Variants in DDX47 observed in about 807,000 individuals in gnomAD.
The protein encoded by DDX47 is probable ATP-dependent RNA helicase DDX47.
In DDX47, 60 loss-of-function variants were observed where a neutral mutation model predicts 58.8. The ratio of observed to expected loss-of-function variants is 1.02; its 90% CI spans 0.83 to 1.26. The LOEUF (loss-of-function observed/expected upper bound fraction) is 1.26, where lower values mean the gene tolerates loss of function less well. DDX47 is among the 50% of genes most tolerant of loss of function. The pLI, the probability that DDX47 is intolerant of heterozygous loss-of-function variation, is 0.00. For synonymous variants in DDX47, 197 were observed against 204.6 expected (o/e 0.96, Z 0.32); for missense variants, 530 against 573.2 (o/e 0.92, Z 0.77).
rs1218356864 is a variant in DDX47 at position 12,813,446 on chromosome 12, A to G, written c.79A>G (p.Lys27Glu). The change falls in exon 1 of 12, where the codon AAA (lysine) becomes GAA (glutamate). Residue 27 changes from lysine to glutamate, a missense_variant. By Grantham distance (56) the Lys-to-Glu change is moderately conservative. Coordinates refer to ENST00000358007, the MANE Select transcript of DDX47 (RefSeq NM_016355.4). ...IVEEEETKTF[K>E]DLGVTDVLCE... is the part of the protein sequence containing the mutation. ...GGAAGAGGAGGAAACTAAAACATTT[A>G]AAGACCTGGTGAGAATGGATGACGC... 1 of 1,610,112 alleles carries G rather than the reference A, an allele frequency of 6.2e-7. No individual in the cohort carries two copies. Among genetic ancestry groups the G allele is most frequent in the Admixed American group, 1.7e-5 (1 of 59,562 alleles).
chr12:12,826,022 G>A lies in DDX47; in HGVS notation c.1058G>A (p.Arg353Gln). 6.2e-7 allele frequency: 1 copy of A among 1,613,214 alleles called. No homozygotes were observed. Among genetic ancestry groups the A allele is most frequent in the Non-Finnish European group, 8.5e-7 (1 of 1,179,626 alleles). ...HSKDYIHRVG[R>Q]TARAGRSGKA... ...TAGGATTACATCCATCGAGTAGGTCGAACAGCTAGAGCTGGGCGCTCCGGA... is the reference window on the plus strand; with the variant it reads ...TAGGATTACATCCATCGAGTAGGTCAAACAGCTAGAGCTGGGCGCTCCGGA... Residue 353 changes from arginine (R) to glutamine (Q), a missense_variant, in exon 10 of 12, where the codon CGA (arginine) becomes CAA (glutamine). Transcript: ENST00000358007.
Position 12,821,531 on chromosome 12 carries a change from G to A in DDX47, c.371-124G>A, listed in dbSNP as rs112075372. On this transcript the variant is annotated intron_variant, in intron 3 of 11. Transcript: ENST00000358007. ...AGCTAATGTTGTATTTGAGCTTTGG[G>A]AAGAGTATTAATTGTAAGGGAAGAA... 9.8e-6 allele frequency: 14 copies of A among 1,424,830 alleles called. No individual in the cohort carries two copies. In the South Asian group the frequency reaches 1.1e-4, roughly 11 times the overall value. The allele number at this position is 1,424,830 out of a possible 1,614,324, so 88.3% of individuals were successfully genotyped here.
intron 10 of DDX47, 42 bp from the exon 11 acceptor site, chr12:12,827,204 G>A: frequency 6.2e-7 from 1 of 1,602,560 alleles, no homozygotes; most frequent in Non-Finnish European, 8.5e-7. Context: ...ACAGGCATTT[G>A]CGTTACCAGG....
At chr12:12,823,452 A>G (rs144849490) in intron 7 of DDX47, 133 bp downstream of exon 7, 32 of 667,762 alleles carry the variant, frequency 4.8e-5, no homozygotes, top group Middle Eastern at 4.2e-4. Flanking sequence ...TAGAGTGCAT[A>G]TCGTGCTTAT....
Position 12,813,367 on chromosome 12 carries a change from G to C in DDX47, c.-1G>C. 1 of 1,613,158 alleles carries C rather than the reference G, an allele frequency of 6.2e-7. No homozygotes were observed. The highest frequency in any genetic ancestry group is 8.5e-7 in the Non-Finnish European group (1 of 1,179,560). On this transcript the variant is annotated 5_prime_UTR_variant, in exon 1 of 12. Transcript: ENST00000358007. ...ACCCACTTCCGGAGACCTCACACAAGATGGCGGCACCCGAGGAACACGATT... is the reference window on the plus strand; with the variant it reads ...ACCCACTTCCGGAGACCTCACACAACATGGCGGCACCCGAGGAACACGATT...
At position 12,817,971 on chromosome 12, in the gene DDX47, A is replaced by C. The variant is rs375189133; in HGVS notation, c.182-3237A>C. Among the ~76,000 whole-genome samples the C allele has an allele frequency of 2.6e-5, 4 of 152,328 alleles. No homozygotes were observed. In the South Asian group the frequency reaches 6.2e-4, roughly 24 times the overall value. The stretch of plus-strand genomic sequence containing the variant: ...GAAATGTTAAGATTTCCCTTGACAA[A>C]AAAAGGACAAATCCTAGTTCCCCCG... On this transcript the variant is annotated intron_variant, in intron 2 of 11. Coordinates refer to ENST00000358007, the MANE Select transcript of DDX47 (RefSeq NM_016355.4).
At chr12:12,816,015 A>G (rs756380895) in intron 2 of DDX47, among the ~76,000 whole-genome samples, 1 of 151,586 alleles carries the variant, frequency 6.6e-6, no homozygotes, top group Admixed American at 6.6e-5. Context: ...AAGAATCATT[A>G]TGATTTTACA....
In DDX47 at chr12:12,827,379, T is replaced by G. The variant is rs1863068437; in HGVS notation, c.1236+4T>G. ...AGCCCAAAGGTTTGCCCGAATGGTATGCATCTTTCTTTTCTCACCAGTGTC... is the reference window on the plus strand; with the variant it reads ...AGCCCAAAGGTTTGCCCGAATGGTAGGCATCTTTCTTTTCTCACCAGTGTC... On this transcript the variant is annotated splice_donor_region_variant and intron_variant, in intron 11 of 11. Coordinates refer to ENST00000358007, the MANE Select transcript of DDX47 (RefSeq NM_016355.4). 2 of 1,613,870 alleles carry G rather than the reference T, an allele frequency of 1.2e-6. No individual in the cohort carries two copies. Among genetic ancestry groups the G allele is most frequent in the Non-Finnish European group, 1.7e-6 (2 of 1,179,966 alleles).
At chr12:12,820,104 A>T (rs1862947038) in intron 2 of DDX47, among the ~76,000 whole-genome samples, 1 of 152,216 alleles carries the variant, frequency 6.6e-6, no homozygotes. Context: ...CTCACTGGCC[A>T]CTGTGGTAGT....
chr12:12,820,773 T>C, intron 2 of DDX47: 1 of 185,366 alleles, frequency 5.4e-6, no homozygotes, highest in Non-Finnish European at 1.1e-5. Flanking sequence ...ACTGCTGGGG[T>C]TACAGGCGTG....
chr12:12,822,543 C>T (rs1190301957), intron 5 of DDX47, 118 bp from the exon 6 acceptor site: 2 of 774,398 alleles, frequency 2.6e-6, no homozygotes, highest in South Asian at 1.9e-5. Context: ...TTTTCGAGTC[C>T]CAAATCTTCA....
intron 5 of DDX47, 86 bp from the exon 6 acceptor site, chr12:12,822,575 A>T: frequency 1.9e-6 from 2 of 1,044,700 alleles, no homozygotes; most frequent in Non-Finnish European, 2.9e-6. Context: ...TTAGTTTGTT[A>T]GTGTCTACCT....
At chr12:12,818,463 G>A (rs1173239324) in intron 2 of DDX47, among the ~76,000 whole-genome samples, 1 of 152,004 alleles carries the variant, frequency 6.6e-6, no homozygotes, top group African/African-American at 2.4e-5. Context: ...GGAGCTTGCA[G>A]TGAGCCGAGA....
chr12:12,814,070 AAGT>A (rs1417238878), intron 1 of DDX47, 58 bp from the exon 2 acceptor site: 46 of 1,012,948 alleles, frequency 4.5e-5, no homozygotes, highest in East Asian at 3.3e-4. Context: ...ACAGTCAGTT[AAGT>A]AGGAGGGAGG....
intron 2 of DDX47, among the ~76,000 whole-genome samples, chr12:12,817,432 G>C (rs1229661316): frequency 1.3e-5 from 2 of 152,168 alleles, no homozygotes; most frequent in African/African-American, 4.8e-5. Context: ...AAAGTTGTTT[G>C]ATGGGCATGG....
intron 2 of DDX47, among the ~76,000 whole-genome samples, chr12:12,817,387 G>A (rs1862911914): frequency 6.6e-6 from 1 of 152,104 alleles, no homozygotes; most frequent in Non-Finnish European, 1.5e-5. Flanking sequence ...TCTATTAATG[G>A]ACCTGCATCA....
chr12:12,828,621 G>A (rs923231266), intron 11 of DDX47, among the ~76,000 whole-genome samples: 7 of 152,170 alleles, frequency 4.6e-5, no homozygotes, highest in African/African-American at 7.2e-5. Context: ...TTTTGGAGTA[G>A]CTGAGGTGCA....
intron 11 of DDX47, among the ~76,000 whole-genome samples, chr12:12,828,460 C>G (rs1321036086): frequency 6.6e-6 from 1 of 152,060 alleles, no homozygotes; most frequent in Non-Finnish European, 1.5e-5. Context: ...CACTGCTGGT[C>G]CCAAGCATTT....
intron 7 of DDX47, 121 bp from the exon 8 acceptor site, chr12:12,823,749 G>A: frequency 1.1e-6 from 1 of 943,316 alleles, no homozygotes; most frequent in Non-Finnish European, 1.6e-6. Flanking sequence ...AAAGCTGGCA[G>A]CTGGAGGTCT....
Sources: allele counts gnomAD v4.1 joint callset (sites outside exome capture counted in the v4.1 genomes callset), GRCh38; gene constraint gnomAD v4.1.1; transcripts MANE v1.5; gene names NCBI Gene and HGNC (gene_info 2026-07-23, HGNC 2026-07-21).